Variants in FAT3 observed in about 807,000 individuals in gnomAD.
The protein encoded by FAT3 is protocadherin Fat 3.
A neutral mutation model predicts 310.2 loss-of-function variants in FAT3; 95 were observed. The ratio of observed to expected loss-of-function variants is 0.31; its 90% confidence interval spans 0.26 to 0.36. The LOEUF is 0.36. Among genes scored for constraint, FAT3 ranks in the 10% least tolerant of loss-of-function variants. The pLI, the probability that FAT3 is intolerant of heterozygous loss-of-function variation, is 1.00. For missense variants in FAT3, 5,408 were observed against 5,715.6 expected (o/e 0.95, Z 1.74); for synonymous variants, 2,314 against 2,192.9 (o/e 1.06, Z -1.54).
At chr11:92,382,152 T>C (rs1038136532) in intron 2 of FAT3, among the ~76,000 whole-genome samples, 7 of 152,144 alleles carry the variant, frequency 4.6e-5, no homozygotes, top group Non-Finnish European at 1.0e-4. Context: ...ATTCCGGATT[T>C]TAATATCAAC....
rs1256783527 is a variant in FAT3, at chr11:92,309,419, C to G, written c.-17-42677C>G. Among the ~76,000 whole-genome samples the G allele has an allele frequency of 2.1e-5, 3 of 140,348 alleles. No individual in the cohort carries two copies. The Admixed American group carries it at 2.2e-4, about 10-fold the overall frequency. The allele number at this position is 140,348 out of a possible 152,430, so 92.1% of individuals were successfully genotyped here. A position where few individuals can be genotyped will look rare whatever the true frequency, so the allele number is the denominator to read the frequency against. On this transcript the variant is annotated intron_variant, in intron 1 of 27. Transcript: ENST00000525166. ...ACACACACACACACACACACACACA[C>G]TTTTCTCCTAAGAGGCAGAGGTAGG...
intron 3 of FAT3, among the ~76,000 whole-genome samples, chr11:92,580,849 G>T (rs931064356): frequency 2.6e-5 from 4 of 151,894 alleles, no homozygotes; most frequent in Non-Finnish European, 5.9e-5. Context: ...GGCCTCCTTG[G>T]CAGTTTCACC....
At chr11:92,836,843 A>G in intron 16 of FAT3, 140 bp downstream of exon 16, 2 of 951,904 alleles carry the variant, frequency 2.1e-6, no homozygotes, top group East Asian at 5.4e-5. Flanking sequence ...AAAATGCAGC[A>G]TGAAATATTA....
intron 19 of FAT3, among the ~76,000 whole-genome samples, chr11:92,848,004 C>G (rs1948731658): frequency 6.6e-6 from 1 of 152,088 alleles, no homozygotes; most frequent in South Asian, 2.1e-4. Flanking sequence ...TCTGTTTACT[C>G]TAGGAGGTCG....
At chr11:92,320,572 A>G (rs369028060) in intron 1 of FAT3, among the ~76,000 whole-genome samples, 44 of 152,296 alleles carry the variant, frequency 2.9e-4, no homozygotes, top group African/African-American at 1.0e-3. Context: ...TATTATTTTT[A>G]AAGTGGTGCT....
intron 7 of FAT3, among the ~76,000 whole-genome samples, chr11:92,778,971 T>C (rs976112190): frequency 2.0e-5 from 3 of 152,148 alleles, no homozygotes; most frequent in Non-Finnish European, 4.4e-5. Context: ...GTACTACCAG[T>C]CTTAAACATT....
intron 3 of FAT3, among the ~76,000 whole-genome samples, chr11:92,686,398 G>A (rs1943635730): frequency 6.6e-6 from 1 of 152,168 alleles, no homozygotes; most frequent in Admixed American, 6.6e-5. Context: ...AAATTGAAGT[G>A]CTCTGCAAAT....
intron 13 of FAT3, among the ~76,000 whole-genome samples, chr11:92,815,177 A>G (rs1947790434): frequency 6.6e-6 from 1 of 152,184 alleles, no homozygotes; most frequent in African/African-American, 2.4e-5. Flanking sequence ...AGCTTCTGAA[A>G]TGAATTGGAA....
intron 4 of FAT3, among the ~76,000 whole-genome samples, chr11:92,739,393 G>C (rs1194220944): frequency 6.6e-6 from 1 of 152,124 alleles, no homozygotes; most frequent in Non-Finnish European, 1.5e-5. Context: ...AACTCTTTAT[G>C]ATCAATAGAC....
chr11:92,401,352 G>A (rs763872281), intron 2 of FAT3, among the ~76,000 whole-genome samples: 3 of 152,096 alleles, frequency 2.0e-5, no homozygotes, highest in Non-Finnish European at 2.9e-5. Context: ...AGTAGCCTTC[G>A]TGAAACCCTT....
At chr11:92,274,953 A>G (rs764333150) in intron 1 of FAT3, among the ~76,000 whole-genome samples, 13 of 152,164 alleles carry the variant, frequency 8.5e-5, no homozygotes, top group Non-Finnish European at 1.5e-4. Flanking sequence ...GGGATGGTTA[A>G]GAGACAGTTC....
chr11:92,625,870 G>A (rs1353334267), intron 3 of FAT3, among the ~76,000 whole-genome samples: 2 of 152,008 alleles, frequency 1.3e-5, no homozygotes, highest in African/African-American at 2.4e-5. Flanking sequence ...AAGATGAATT[G>A]TGACCCAGAG....
Position 92,416,339 on chromosome 11 carries a change from G to T in FAT3, c.3292+60935G>T, listed in dbSNP as rs1443234227. Among the ~76,000 whole-genome samples the T allele has an allele frequency of 2.7e-5, 4 of 148,564 alleles. No homozygotes were observed. In the Admixed American group the frequency reaches 2.7e-4, roughly 10 times the overall value. On this transcript the variant is annotated intron_variant, in intron 2 of 27. Coordinates refer to ENST00000525166, the MANE Select transcript of FAT3 (RefSeq NM_001367949.2). ...GCGGAGGTTGCAGTGAGGCGAGATC[G>T]CTCCATTGCACTCCAGCCTGGGCGA...
chr11:92,262,191 C>A (rs929868640), intron 1 of FAT3, among the ~76,000 whole-genome samples: 3 of 152,074 alleles, frequency 2.0e-5, no homozygotes, highest in African/African-American at 7.2e-5. Context: ...ATTCTATTGA[C>A]TAAATCAGGA....
chr11:92,245,863 A>C (rs1864882573), intron 1 of FAT3, among the ~76,000 whole-genome samples: 2 of 152,156 alleles, frequency 1.3e-5, no homozygotes, highest in South Asian at 4.1e-4. Context: ...AGGTTTAAGA[A>C]ATGGGCAGAG....
intron 7 of FAT3, among the ~76,000 whole-genome samples, chr11:92,778,585 G>C (rs1023556359): frequency 2.0e-5 from 3 of 152,122 alleles, no homozygotes; most frequent in Admixed American, 2.0e-4. Context: ...CCATGAACTT[G>C]TTAATAAATT....
chr11:92,447,196 C>CAT (rs1022300420), intron 2 of FAT3, among the ~76,000 whole-genome samples: 2 of 138,838 alleles, frequency 1.4e-5, no homozygotes, highest in African/African-American at 2.9e-5. Flanking sequence ...TATGTGTGTT[C>CAT]ATATATATGT....
intron 4 of FAT3, among the ~76,000 whole-genome samples, chr11:92,705,969 G>A (rs1251819401): frequency 1.7e-5 from 2 of 120,762 alleles, no homozygotes; most frequent in Non-Finnish European, 3.6e-5. Flanking sequence ...TGATGGTGAT[G>A]GTAGTGGCAG....
rs148020534 is a variant in FAT3, at chr11:92,735,397, G to A, written c.3670-26459G>A. On this transcript the variant is annotated intron_variant, in intron 4 of 27. Coordinates refer to ENST00000525166, the MANE Select transcript of FAT3 (RefSeq NM_001367949.2). ...ATTAAGACCATTCCATGAGGCTAGT[G>A]TCATAAAAATCATTACTTATATAGC... Among the ~76,000 whole-genome samples, 416 of 152,230 alleles carry A rather than the reference G, an allele frequency of 2.7e-3. 2 individuals carry two copies. Among genetic ancestry groups the A allele is most frequent in the African/African-American group, 9.2e-3 (382 of 41,560 alleles).
Sources: allele counts gnomAD v4.1 joint callset (sites outside exome capture counted in the v4.1 genomes callset), GRCh38; gene constraint gnomAD v4.1.1; transcripts MANE v1.5; gene names NCBI Gene and HGNC (gene_info 2026-07-23, HGNC 2026-07-21).